Variants in KY observed in about 807,000 individuals in gnomAD.
KY encodes kyphoscoliosis peptidase.
Under a neutral mutation model 76.1 loss-of-function variants are expected in KY, and 43 were observed. That is an observed-to-expected ratio of 0.57 (90% CI 0.44 to 0.73). KY has a LOEUF of 0.73. KY is among the 30% of genes least tolerant of loss of function. The pLI is 0.00. For synonymous variants in KY, 277 were observed against 326.2 expected (o/e 0.85, Z 1.63); for missense variants, 722 against 828.9 (o/e 0.87, Z 1.58).
At chr3:134,607,705 G>A in intron 10 of KY, 1 of 985,852 alleles carries the variant, frequency 1.0e-6, no homozygotes, top group South Asian at 4.7e-5. Flanking sequence ...GCCTCAGAGT[G>A]TGCAAACATA....
chr3:134,604,038 C>T lies in KY; in HGVS notation c.1527G>A (p.Arg509=). 1.2e-6 allele frequency: 2 copies of T among 1,614,022 alleles called. No homozygotes were observed. The highest frequency in any genetic ancestry group is 1.7e-6 in the Non-Finnish European group (2 of 1,179,866). ...DDGPITEETQ[R]RYIFQLHREK... is the part of the protein sequence containing the mutation. Reference sequence around the variant, plus strand: ...CCCGGTGCAGCTGGAAGATGTAGCGCCGCTGTGTCTCCTCAGTGATGGGGC... The same window carrying T: ...CCCGGTGCAGCTGGAAGATGTAGCGTCGCTGTGTCTCCTCAGTGATGGGGC... The change falls in exon 11 of 11, where the codon CGG becomes CGA. Residue 509 remains arginine, a synonymous_variant. Coordinates refer to ENST00000423778, the MANE Select transcript of KY (RefSeq NM_178554.6).
intron 5 of KY, among the ~76,000 whole-genome samples, chr3:134,627,068 A>C (rs146857995): frequency 6.6e-6 from 1 of 152,254 alleles, no homozygotes; most frequent in Non-Finnish European, 1.5e-5. Flanking sequence ...GGTATTGAAA[A>C]TCCTATTACT....
In KY at chr3:134,604,421, A is replaced by C; in HGVS notation, c.1144T>G (p.Phe382Val). 1.2e-6 allele frequency: 2 copies of C among 1,613,920 alleles called. No individual in the cohort carries two copies. The highest frequency in any genetic ancestry group is 1.7e-6 in the Non-Finnish European group (2 of 1,179,874). ...TGCTCTTGCTTGCCATTGAGCATGA[A>C]CATGAACAGCGTCGGGGCGCAGCTC... ...IESCAPTLFM[F>V]MLNGKQEHGL... Residue 382 changes from phenylalanine to valine, a missense_variant, in exon 11 of 11, where the codon TTC becomes GTC. By Grantham distance (50) the Phe-to-Val change is conservative. Coordinates refer to ENST00000423778, the MANE Select transcript of KY (RefSeq NM_178554.6).
At chr3:134,650,712 G>C (rs1342472280) in intron 1 of KY, 113 bp downstream of exon 1, 1 of 996,188 alleles carries the variant, frequency 1.0e-6, no homozygotes, top group Non-Finnish European at 1.4e-6. Context: ...GGAGAGGGTC[G>C]GGTTCGCTGA....
At chr3:134,632,568 A>T (rs1311399376) in intron 3 of KY, among the ~76,000 whole-genome samples, 1 of 152,064 alleles carries the variant, frequency 6.6e-6, no homozygotes, top group Non-Finnish European at 1.5e-5. Context: ...TGAAAATGAA[A>T]ATAAAACATA....
At chr3:134,649,738 C>T (rs1217079141) in intron 1 of KY, among the ~76,000 whole-genome samples, 5 of 152,216 alleles carry the variant, frequency 3.3e-5, no homozygotes, top group Admixed American at 3.3e-4. Context: ...GCTCTGGAGG[C>T]AGCTCCAGCC....
intron 1 of KY, among the ~76,000 whole-genome samples, chr3:134,650,121 C>T (rs1430255545): frequency 6.6e-6 from 1 of 152,168 alleles, no homozygotes; most frequent in Non-Finnish European, 1.5e-5. Context: ...ACAGAGAGGC[C>T]CGGATCCTGC....
intron 3 of KY, among the ~76,000 whole-genome samples, chr3:134,630,065 C>G (rs938449877): frequency 6.6e-6 from 1 of 152,206 alleles, no homozygotes; most frequent in Admixed American, 6.5e-5. Flanking sequence ...CTTCTTTCCC[C>G]TCTGGTATCA....
At chr3:134,643,849 C>T (rs1023045949) in intron 2 of KY, among the ~76,000 whole-genome samples, 7 of 130,630 alleles carry the variant, frequency 5.4e-5, no homozygotes, top group African/African-American at 1.1e-4. Context: ...TTTTTTGAGA[C>T]GGAGTCTCGC....
At chr3:134,616,929 C>T (rs1293044737) in intron 8 of KY, among the ~76,000 whole-genome samples, 2 of 152,196 alleles carry the variant, frequency 1.3e-5, no homozygotes, top group African/African-American at 4.8e-5. Context: ...GCAATCTAGT[C>T]TCCAATATAT....
rs1173278503 is a variant in KY at position 134,602,624 on chromosome 3, G to C, written c.*955C>G. Among the ~76,000 whole-genome samples, 4 of 152,112 alleles carry C rather than the reference G, an allele frequency of 2.6e-5. No individual in the cohort carries two copies. ...GATCTGCGCCCAGGTCCTTATTCAGGGCTATCCACAAGACTCCCCAAGGGC... is the reference window on the plus strand; with the variant it reads ...GATCTGCGCCCAGGTCCTTATTCAGCGCTATCCACAAGACTCCCCAAGGGC... On this transcript the variant is annotated 3_prime_UTR_variant, in exon 11 of 11. Coordinates refer to ENST00000423778, the MANE Select transcript of KY (RefSeq NM_178554.6).
intron 3 of KY, among the ~76,000 whole-genome samples, chr3:134,633,128 C>T (rs1017028617): frequency 1.3e-5 from 2 of 151,998 alleles, no homozygotes; most frequent in Non-Finnish European, 2.9e-5. Context: ...TTAAAATCTT[C>T]CCCCCAAAAG....
chr3:134,606,678 G>A lies in KY; in HGVS notation c.1090+1971C>T, dbSNP rs575649657. Among the ~76,000 whole-genome samples, 26 of 152,262 alleles carry A rather than the reference G, an allele frequency of 1.7e-4. 1 individual carries two copies. Among genetic ancestry groups the A allele is most frequent in the African/African-American group, 5.3e-4 (22 of 41,540 alleles). ...GCTAGCCTGTTTCATTTCCTGCCAC[G>A]TCTTAGTGCCTGGTTGTGGTGCCTC... On this transcript the variant is annotated intron_variant, in intron 10 of 10. Transcript: ENST00000423778.
chr3:134,609,122 A>G (rs1272658416), intron 9 of KY, among the ~76,000 whole-genome samples: 1 of 152,204 alleles, frequency 6.6e-6, no homozygotes, highest in African/African-American at 2.4e-5. Context: ...CTCAAAGACA[A>G]TCAGAAGTTC....
chr3:134,645,279 A>G (rs1428747394), intron 2 of KY, among the ~76,000 whole-genome samples: 1 of 152,102 alleles, frequency 6.6e-6, no homozygotes, highest in Non-Finnish European at 1.5e-5. Flanking sequence ...AAAAGTTTGG[A>G]GCTCTCTAGT....
intron 8 of KY, among the ~76,000 whole-genome samples, chr3:134,615,679 AGAT>A (rs772678197): frequency 8.1e-4 from 124 of 152,242 alleles, no homozygotes; most frequent in Middle Eastern, 6.8e-3. Flanking sequence ...GGGGGAGCTA[AGAT>A]GTCCCTTTCA....
intron 2 of KY, 124 bp from the exon 3 acceptor site, chr3:134,643,502 AAT>A (rs1966031672): frequency 1.4e-6 from 1 of 711,032 alleles, no homozygotes; most frequent in Non-Finnish European, 2.5e-6. Flanking sequence ...CCCAGGCCTA[AAT>A]GTGTGCACAC....
At chr3:134,632,560 A>T (rs1284798410) in intron 3 of KY, among the ~76,000 whole-genome samples, 1 of 152,084 alleles carries the variant, frequency 6.6e-6, no homozygotes, top group Non-Finnish European at 1.5e-5. Flanking sequence ...GAACTCATTG[A>T]AAATGAAAAT....
intron 6 of KY, among the ~76,000 whole-genome samples, chr3:134,621,865 A>G (rs991505117): frequency 6.6e-6 from 1 of 152,218 alleles, no homozygotes; most frequent in South Asian, 2.1e-4. Flanking sequence ...CTACAACTCC[A>G]CAAAAACAAA....
Sources: gnomAD v4.1 joint callset for allele counts (sites outside exome capture counted in the v4.1 genomes callset) on GRCh38, gnomAD v4.1.1 for gene constraint, MANE v1.5 for transcripts, NCBI Gene and HGNC (gene_info 2026-07-23, HGNC 2026-07-21) for gene names.